The following PRKCA variants were observed in gnomAD, a reference collection of about 807,000 sequenced individuals.
PRKCA encodes protein kinase C alpha, also known as protein kinase C alpha type.
Under a neutral mutation model 87.0 loss-of-function variants are expected in PRKCA, and 27 were observed. The ratio of observed to expected loss-of-function variants is 0.31; its 90% confidence interval spans 0.23 to 0.43. PRKCA has a LOEUF of 0.43. PRKCA is among the 20% of genes least tolerant of loss of function. The pLI, the probability that PRKCA is intolerant of heterozygous loss-of-function variation, is 1.00. For synonymous variants in PRKCA, 329 were observed against 311.1 expected (o/e 1.06, Z -0.61); for missense variants, 518 against 852.3 (o/e 0.61, Z 4.88).
At chr17:66,340,668 A>G (rs537707241) in intron 2 of PRKCA, among the ~76,000 whole-genome samples, 18 of 152,304 alleles carry the variant, frequency 1.2e-4, no homozygotes, top group African/African-American at 4.3e-4. Flanking sequence ...TGTAGAGCAA[A>G]GGAAAATGTC....
chr17:66,748,450 A>G (rs1423257914), intron 13 of PRKCA, among the ~76,000 whole-genome samples: 2 of 152,188 alleles, frequency 1.3e-5, no homozygotes, highest in African/African-American at 2.4e-5. Flanking sequence ...GATGGGAGGA[A>G]TAAAGACCAA....
chr17:66,454,672 T>G (rs959404550), intron 2 of PRKCA, among the ~76,000 whole-genome samples: 2 of 152,124 alleles, frequency 1.3e-5, no homozygotes, highest in Non-Finnish European at 2.9e-5. Context: ...TCTAAAACCA[T>G]CAGATCTCAT....
intron 2 of PRKCA, among the ~76,000 whole-genome samples, chr17:66,315,019 ATG>A (rs931318267): frequency 2.4e-4 from 36 of 151,856 alleles, no homozygotes; most frequent in Middle Eastern, 3.4e-3. Context: ...GTGTATATAT[ATG>A]TGTGTGTGTA....
intron 3 of PRKCA, among the ~76,000 whole-genome samples, chr17:66,587,891 G>A (rs1314046858): frequency 0.024 from 2,083 of 86,898 alleles, 136 homozygotes; most frequent in Non-Finnish European, 0.028. Context: ...GTGTGTGTGT[G>A]TGTGTATATA....
chr17:66,723,926 G>C (rs4790906), intron 8 of PRKCA, among the ~76,000 whole-genome samples: 10,747 of 152,194 alleles, frequency 0.071, 714 homozygotes, highest in African/African-American at 0.17. Context: ...TTGCCCACTG[G>C]TTTTATATAA....
chr17:66,704,346 A>C (rs1428162196), intron 8 of PRKCA, among the ~76,000 whole-genome samples: 1 of 152,212 alleles, frequency 6.6e-6, no homozygotes, highest in African/African-American at 2.4e-5. Flanking sequence ...TCTTTATTAT[A>C]GCTTTAGAGT....
chr17:66,325,473 G>T (rs1403815764), intron 2 of PRKCA, among the ~76,000 whole-genome samples: 1 of 152,098 alleles, frequency 6.6e-6, no homozygotes, highest in Non-Finnish European at 1.5e-5. Flanking sequence ...AAAAAATCTG[G>T]ACAGGAAATA....
intron 2 of PRKCA, among the ~76,000 whole-genome samples, chr17:66,391,342 C>T (rs1490763893): frequency 6.6e-6 from 1 of 152,180 alleles, no homozygotes; most frequent in Non-Finnish European, 1.5e-5. Flanking sequence ...TTGGTTCCCC[C>T]TTCCTCCTCC....
intron 3 of PRKCA, among the ~76,000 whole-genome samples, chr17:66,568,280 C>G (rs766708629): frequency 3.9e-5 from 6 of 152,208 alleles, no homozygotes; most frequent in Admixed American, 6.5e-5. Context: ...CACCACTGCA[C>G]TCCAGCCTAG....
chr17:66,302,819 C>A lies in PRKCA; in HGVS notation c.-33C>A, dbSNP rs780171223. 1 of 1,500,974 alleles carries A rather than the reference C, an allele frequency of 6.7e-7. No individual in the cohort carries two copies. Among genetic ancestry groups the A allele is most frequent in the Non-Finnish European group, 8.9e-7 (1 of 1,120,950 alleles). The allele number at this position is 1,500,974 out of a possible 1,614,324, so 93.0% of individuals were successfully genotyped here. ...ACCCGGCCCTCCGCGGCCGCAGCTC[C>A]CCGGCGGAGGCAAGAGGTGGTTGGG... On this transcript the variant is annotated 5_prime_UTR_variant, in exon 1 of 17. Transcript: ENST00000413366.
rs374376124 is a variant in PRKCA, at chr17:66,595,463, C to CTT, written c.289-45877_289-45876dup. ...AACTCTATTTTATTTTCTTTTCCTTCTTTTTTTTTTTTTTTTGAGACAGTC... is the reference window on the plus strand; with the variant it reads ...AACTCTATTTTATTTTCTTTTCCTTCTTTTTTTTTTTTTTTTTTGAGACAGTC... On this transcript the variant is annotated intron_variant, in intron 3 of 16. Transcript: ENST00000413366. Among the ~76,000 whole-genome samples, 448 of 116,530 alleles carry CTT rather than the reference C, an allele frequency of 3.8e-3. 17 individuals are homozygous for CTT. Among genetic ancestry groups the CTT allele is most frequent in the Non-Finnish European group, 5.6e-3 (330 of 59,040 alleles). The allele number at this position is 116,530 out of a possible 152,430, so 76.4% of individuals were successfully genotyped here.
intron 13 of PRKCA, among the ~76,000 whole-genome samples, chr17:66,752,342 C>G (rs1974452562): frequency 6.6e-6 from 1 of 152,316 alleles, no homozygotes; most frequent in South Asian, 2.1e-4. Flanking sequence ...CACGCGTAAT[C>G]CCAGCACTTT....
intron 8 of PRKCA, among the ~76,000 whole-genome samples, chr17:66,716,319 A>G (rs1973471373): frequency 6.6e-6 from 1 of 152,210 alleles, no homozygotes; most frequent in African/African-American, 2.4e-5. Flanking sequence ...GCATTCGAGC[A>G]GGAAAAGGAA....
At chr17:66,331,184 G>C (rs1423553297) in intron 2 of PRKCA, among the ~76,000 whole-genome samples, 1 of 152,150 alleles carries the variant, frequency 6.6e-6, no homozygotes, top group Middle Eastern at 3.2e-3. Flanking sequence ...GGCTGTCTTA[G>C]CTGTGTCCTC....
rs529701791 is a variant in PRKCA at position 66,592,862 on chromosome 17, G to C, written c.289-48493G>C. The stretch of plus-strand genomic sequence containing the variant: ...GGCTGGAGTGCAGTGGCGCAATCTC[G>C]GCTCACTGCAACTTCCATCTCCTGG... On this transcript the variant is annotated intron_variant, in intron 3 of 16. Transcript: ENST00000413366. Among the ~76,000 whole-genome samples the C allele has an allele frequency of 2.6e-5, 4 of 152,096 alleles. No homozygotes were observed. In the South Asian group the frequency reaches 8.3e-4, roughly 32 times the overall value.
chr17:66,556,261 G>C (rs1393279323), intron 3 of PRKCA, among the ~76,000 whole-genome samples: 1 of 150,990 alleles, frequency 6.6e-6, no homozygotes, highest in Non-Finnish European at 1.5e-5. Context: ...TTTGTACCTG[G>C]AGTCATTTAA....
chr17:66,446,050 G>T (rs1254704383), intron 2 of PRKCA, among the ~76,000 whole-genome samples: 3 of 152,142 alleles, frequency 2.0e-5, no homozygotes, highest in African/African-American at 7.2e-5. Flanking sequence ...CTGAGCTCAA[G>T]TGATCCGTGC....
At chr17:66,716,778 G>A (rs974367820) in intron 8 of PRKCA, among the ~76,000 whole-genome samples, 1 of 152,230 alleles carries the variant, frequency 6.6e-6, no homozygotes, top group Non-Finnish European at 1.5e-5. Flanking sequence ...CTGGCAAAGT[G>A]CCAACACGTC....
At chr17:66,541,544 C>T (rs1967988051) in intron 3 of PRKCA, among the ~76,000 whole-genome samples, 1 of 152,196 alleles carries the variant, frequency 6.6e-6, no homozygotes, top group Non-Finnish European at 1.5e-5. Context: ...CATCCAGAGG[C>T]AGCAGATGCC....
Sources: allele counts gnomAD v4.1 joint callset (sites outside exome capture counted in the v4.1 genomes callset), GRCh38; gene constraint gnomAD v4.1.1; transcripts MANE v1.5; gene names NCBI Gene and HGNC (gene_info 2026-07-23, HGNC 2026-07-21).